Variants in DPYD observed in about 807,000 individuals in gnomAD.
DPYD encodes the protein dihydropyrimidine dehydrogenase, also known as dihydropyrimidine dehydrogenase [NADP(+)].
Under a neutral mutation model 116.2 loss-of-function variants are expected in DPYD, and 109 were observed. That is an observed-to-expected ratio of 0.94 (90% CI 0.80 to 1.10). DPYD has a LOEUF of 1.10. Among genes scored for constraint, DPYD ranks in the 50% least tolerant of loss-of-function variants. The probability of loss-of-function intolerance (pLI) is 0.00; values close to 1 mark genes in which losing one functional copy is unlikely to be tolerated. For missense variants in DPYD, 1,302 were observed against 1,254.5 expected (o/e 1.04, Z -0.57); for synonymous variants, 440 against 432.0 (o/e 1.02, Z -0.23).
At chr1:97,244,211 T>A (rs1287633354) in intron 18 of DPYD, among the ~76,000 whole-genome samples, 1 of 152,048 alleles carries the variant, frequency 6.6e-6, no homozygotes, top group East Asian at 1.9e-4. Flanking sequence ...CATCTTCAGA[T>A]AATTAGCAAT....
chr1:97,240,178 T>G (rs552499281), intron 18 of DPYD, among the ~76,000 whole-genome samples: 13 of 151,928 alleles, frequency 8.6e-5, no homozygotes, highest in Non-Finnish European at 1.6e-4. Flanking sequence ...ATAATGTTGA[T>G]GAAGATTACT....
chr1:97,785,886 G>T (rs1243681053), intron 3 of DPYD, among the ~76,000 whole-genome samples: 2 of 150,504 alleles, frequency 1.3e-5, no homozygotes, highest in Non-Finnish European at 3.0e-5. Context: ...GTAGAGATGG[G>T]GTTTCACTGT....
chr1:97,421,711 T>C (rs1370174196), intron 14 of DPYD, among the ~76,000 whole-genome samples: 2 of 152,132 alleles, frequency 1.3e-5, no homozygotes, highest in Admixed American at 6.6e-5. Context: ...CAGGGGGATA[T>C]TACTGCAACT....
intron 16 of DPYD, among the ~76,000 whole-genome samples, chr1:97,339,272 T>A (rs1669466570): frequency 6.6e-6 from 1 of 152,018 alleles, no homozygotes; most frequent in Non-Finnish European, 1.5e-5. Context: ...AATAACAGAA[T>A]AAAAATTCTG....
intron 4 of DPYD, among the ~76,000 whole-genome samples, chr1:97,737,492 T>C (rs1664026039): frequency 6.6e-6 from 1 of 152,136 alleles, no homozygotes. Context: ...ATTTGGACAT[T>C]AGTTTCTAGG....
chr1:97,480,081 T>C (rs916585630), intron 13 of DPYD, among the ~76,000 whole-genome samples: 1 of 152,198 alleles, frequency 6.6e-6, no homozygotes, highest in Admixed American at 6.5e-5. Context: ...CAGCATTAAA[T>C]GCTAGAAAGC....
intron 1 of DPYD, chr1:97,883,775 G>T (rs1374993756): frequency 2.4e-6 from 1 of 413,060 alleles, no homozygotes; most frequent in Non-Finnish European, 4.6e-6. Context: ...CTTTATCTAA[G>T]ATTTCCTCTT....
intron 12 of DPYD, among the ~76,000 whole-genome samples, chr1:97,540,787 G>C (rs1459217205): frequency 1.3e-5 from 2 of 152,122 alleles, no homozygotes; most frequent in African/African-American, 4.8e-5. Flanking sequence ...CTGGTGACTA[G>C]CCCCTATCCT....
chr1:97,331,286 TAACA>T (rs1159347418), intron 16 of DPYD, among the ~76,000 whole-genome samples: 1 of 152,018 alleles, frequency 6.6e-6, no homozygotes, highest in Non-Finnish European at 1.5e-5. Flanking sequence ...CCAGCCTACG[TAACA>T]AAGACCTCTT....
intron 14 of DPYD, among the ~76,000 whole-genome samples, chr1:97,414,722 T>A (rs1248610398): frequency 1.3e-5 from 2 of 152,234 alleles, no homozygotes; most frequent in East Asian, 3.8e-4. Context: ...CTAGAAAATG[T>A]CTTAGTTAAG....
chr1:97,369,623 T>G (rs912452097), intron 16 of DPYD, among the ~76,000 whole-genome samples: 1 of 152,146 alleles, frequency 6.6e-6, no homozygotes, highest in Non-Finnish European at 1.5e-5. Context: ...TGGGAGGGAA[T>G]GGAAGAAGAG....
At chr1:97,433,006 G>A in intron 14 of DPYD, among the ~76,000 whole-genome samples, 1 of 152,058 alleles carries the variant, frequency 6.6e-6, no homozygotes, top group Admixed American at 6.6e-5. Context: ...AGGTTTTTAG[G>A]TTGCTCGGGA....
At chr1:97,193,767 A>T (rs1457925914) in intron 19 of DPYD, among the ~76,000 whole-genome samples, 1 of 140,964 alleles carries the variant, frequency 7.1e-6, no homozygotes, top group African/African-American at 2.8e-5. Flanking sequence ...ACTATGATCC[A>T]GTTACCCAGG....
At chr1:97,381,282 GA>G (rs1671946798) in intron 15 of DPYD, among the ~76,000 whole-genome samples, 1 of 152,130 alleles carries the variant, frequency 6.6e-6, no homozygotes, top group African/African-American at 2.4e-5. Context: ...AAAGGCTTTT[GA>G]CTTATAAAAA....
chr1:97,727,873 G>A lies in DPYD; in HGVS notation c.322-6202C>T, dbSNP rs187996107. Among the ~76,000 whole-genome samples, 7 of 151,962 alleles carry A rather than the reference G, an allele frequency of 4.6e-5. No homozygotes were observed. The East Asian group carries it at 1.4e-3, about 29-fold the overall frequency. ...TTTCTTGAGTCCTCCTTCTACATAA[G>A]AGGTTTGATTTCTGTTCTGTGAGCT... On this transcript the variant is annotated intron_variant, in intron 4 of 22. Coordinates refer to ENST00000370192, the MANE Select transcript of DPYD (RefSeq NM_000110.4).
At chr1:97,212,438 T>C (rs182337372) in intron 19 of DPYD, among the ~76,000 whole-genome samples, 17 of 152,186 alleles carry the variant, frequency 1.1e-4, no homozygotes, top group Admixed American at 5.2e-4. Flanking sequence ...TGTATGGATG[T>C]ACCACCACAT....
intron 13 of DPYD, among the ~76,000 whole-genome samples, chr1:97,465,600 CT>C (rs1677275068): frequency 1.3e-5 from 2 of 151,994 alleles, no homozygotes; most frequent in Admixed American, 1.3e-4. Context: ...TGCACAAGCT[CT>C]CTCTTTCTTT....
At chr1:97,883,428 T>A in intron 1 of DPYD, 54 bp from the exon 2 acceptor site, 1 of 1,259,614 alleles carries the variant, frequency 7.9e-7, no homozygotes, top group Non-Finnish European at 1.2e-6. Flanking sequence ...GGCATTTGTT[T>A]AAACTTATTT....
intron 18 of DPYD, among the ~76,000 whole-genome samples, chr1:97,264,300 T>G (rs1664087207): frequency 6.6e-6 from 1 of 150,486 alleles, no homozygotes; most frequent in Non-Finnish European, 1.5e-5. Context: ...ATAGCTGGGA[T>G]TATAGGCACA....
Sources: allele counts gnomAD v4.1 joint callset (sites outside exome capture counted in the v4.1 genomes callset), GRCh38; gene constraint gnomAD v4.1.1; transcripts MANE v1.5; gene names NCBI Gene and HGNC (gene_info 2026-07-23, HGNC 2026-07-21).